DFFA: variants seen among roughly 807,000 people sequenced by gnomAD.
The protein encoded by DFFA is DNA fragmentation factor subunit alpha.
A neutral mutation model predicts 28.0 loss-of-function variants in DFFA; 14 were observed. The ratio of observed to expected loss-of-function variants is 0.50; its 90% confidence interval spans 0.33 to 0.78. DFFA has a LOEUF of 0.78. DFFA is among the 30% of genes least tolerant of loss of function. The pLI is 0.02. For synonymous variants in DFFA, 158 were observed against 170.3 expected, an observed-to-expected ratio of 0.93 and a Z score of 0.56; for missense variants, 395 against 407.1, an observed-to-expected ratio of 0.97 and a Z score of 0.26.
chr1:10,466,212 C>A lies in DFFA; in HGVS notation c.441+978G>T, dbSNP rs149697144. 8.7e-3 allele frequency among the ~76,000 whole-genome samples: 1,316 copies of A among 152,118 alleles called. 19 individuals carry two copies. Among genetic ancestry groups the A allele is most frequent in the African/African-American group, 0.029 (1,216 of 41,510 alleles). The stretch of plus-strand genomic sequence containing the variant: ...CTTTTTTTTCTTTTTGAGATGGAGT[C>A]TCTCTCTGTCACCCAGGCTGGAGTG... On this transcript the variant is annotated intron_variant, in intron 3 of 5. Transcript: ENST00000377038.
chr1:10,467,091 A>G, intron 3 of DFFA, 99 bp downstream of exon 3: 1 of 1,379,900 alleles, frequency 7.2e-7, no homozygotes, highest in Non-Finnish European at 9.9e-7. Flanking sequence ...TAAGATTAAA[A>G]CAAAGAAATT....
At position 10,464,066 on chromosome 1, in the gene DFFA, C is replaced by T. The variant is rs7552932; in HGVS notation, c.442-446G>A. On this transcript the variant is annotated intron_variant, in intron 3 of 5. Transcript: ENST00000377038. Reference sequence around the variant, plus strand: ...GTTACCTACTATGATAGTTGGCAGACAGTCAAGAGAAAAGCATGTAATTTT... The same window carrying T: ...GTTACCTACTATGATAGTTGGCAGATAGTCAAGAGAAAAGCATGTAATTTT... Among the ~76,000 whole-genome samples, 406 of 151,954 alleles carry T rather than the reference C, an allele frequency of 2.7e-3. 1 individual carries two copies. Among genetic ancestry groups the T allele is most frequent in the African/African-American group, 9.0e-3 (372 of 41,494 alleles).
Position 10,463,203 on chromosome 1 carries a change from T to G in DFFA, c.638A>C (p.Lys213Thr). Residue 213 changes from lysine to threonine, a missense_variant, in exon 5 of 6, where the codon AAA becomes ACA. Coordinates refer to ENST00000377038, the MANE Select transcript of DFFA (RefSeq NM_004401.3). ...GSLLSKQEES[K>T]AAFGEEVDAV... ...ATCCACCTCCTCACCAAAGGCAGCT[T>G]TGGACTCTGCAAAGGAGACACGAGA... The G allele has an allele frequency of 6.2e-7, 1 of 1,613,994 alleles. No individual in the cohort carries two copies. Among genetic ancestry groups the G allele is most frequent in the Non-Finnish European group, 8.5e-7 (1 of 1,179,930 alleles).
chr1:10,472,301 T>C lies in DFFA; in HGVS notation c.136+22A>G. ...ACCCGGCCCTGGCTCCCCCACACCC[T>C]CGCCCGGGGTCCCGAGCCAACCCTT... On this transcript the variant is annotated intron_variant, in intron 1 of 5. Transcript: ENST00000377038. This position sits in a 1 kb window ranked among gnomAD's most constrained non-coding sequence, Gnocchi z 5.0. 1 of 1,559,904 alleles carries C rather than the reference T, an allele frequency of 6.4e-7. No individual in the cohort carries two copies. Among genetic ancestry groups the C allele is most frequent in the Non-Finnish European group, 8.7e-7 (1 of 1,147,152 alleles).
chr1:10,468,208 C>T (rs1188891400), intron 2 of DFFA, among the ~76,000 whole-genome samples: 1 of 151,920 alleles, frequency 6.6e-6, no homozygotes, highest in Non-Finnish European at 1.5e-5. Context: ...ATGTTAGTCC[C>T]CTTTCTATCT....
At chr1:10,468,858 C>A (rs1641055952) in intron 2 of DFFA, among the ~76,000 whole-genome samples, 1 of 152,130 alleles carries the variant, frequency 6.6e-6, no homozygotes, top group Admixed American at 6.6e-5. Flanking sequence ...CCCGCCTCAG[C>A]CTCCCAAGTA....
chr1:10,467,120 G>T, intron 3 of DFFA, 70 bp downstream of exon 3: 1 of 1,571,064 alleles, frequency 6.4e-7, no homozygotes, highest in Non-Finnish European at 8.7e-7. Flanking sequence ...AAGTATGGAA[G>T]CTAAGAAGGT....
intron 5 of DFFA, chr1:10,462,791 C>T: frequency 7.6e-7 from 1 of 1,315,408 alleles, no homozygotes; most frequent in East Asian, 3.1e-5. Flanking sequence ...CCCTGCTATT[C>T]CTCCCTGTCA....
At chr1:10,463,024 C>T in intron 5 of DFFA, 34 bp downstream of exon 5, 3 of 1,613,744 alleles carry the variant, frequency 1.9e-6, no homozygotes, top group Non-Finnish European at 2.5e-6. Flanking sequence ...GGCATGTCCT[C>T]CTCTGTAGCT....
Position 10,461,390 on chromosome 1 carries a change from CA to C in DFFA, c.*99del, listed in dbSNP as rs1640935973. On this transcript the variant is annotated 3_prime_UTR_variant, in exon 6 of 6. Coordinates refer to ENST00000377038, the MANE Select transcript of DFFA (RefSeq NM_004401.3). ...AGCTTCTCTGGAAGGTGCTCTAAGGCAGGGGGTAGAGTAGTACATAGGTAGT... is the reference window on the plus strand; with the variant it reads ...AGCTTCTCTGGAAGGTGCTCTAAGGCGGGGGTAGAGTAGTACATAGGTAGT... 1.5e-5 allele frequency: 22 copies of C among 1,465,194 alleles called. 1 individual carries two copies. In the South Asian group the frequency reaches 2.5e-4, roughly 17 times the overall value. 90.8% of individuals were successfully genotyped at this position (1,465,194 alleles called of 1,614,324 possible).
rs1048010136 is a variant in DFFA at position 10,456,978 on chromosome 1, C to T, written c.*4512G>A. The T allele has an allele frequency of 1.3e-5, 2 of 152,160 alleles. No individual in the cohort carries two copies. Among genetic ancestry groups the T allele is most frequent in the South Asian group, 2.1e-4 (1 of 4,828 alleles). The allele number at this position is 152,160 out of a possible 1,614,324, so 9.4% of individuals were successfully genotyped here. A position where few individuals can be genotyped will look rare whatever the true frequency, so the allele number is the denominator to read the frequency against. On this transcript the variant is annotated 3_prime_UTR_variant, in exon 6 of 6. Coordinates refer to ENST00000377038, the MANE Select transcript of DFFA (RefSeq NM_004401.3). ...TAATGGGACAATATGTCTGTGACCA[C>T]GTTCATTACACATCTGGGATAGAGC... is the stretch of plus-strand genomic sequence containing the variant.
rs1044335732 is a variant in DFFA at position 10,463,679 on chromosome 1, T to C, written c.442-59A>G. The C allele has an allele frequency of 3.9e-6, 6 of 1,530,730 alleles. No individual in the cohort carries two copies. In the African/African-American group the frequency reaches 8.3e-5, roughly 21 times the overall value. The allele number at this position is 1,530,730 out of a possible 1,614,324, so 94.8% of individuals were successfully genotyped here. ...AGGGACTTTCTGACTTTCTTTTTTT[T>C]TTTTGAGACGGAGTCTGCTCTGTTG... On this transcript the variant is annotated intron_variant, in intron 3 of 5. Coordinates refer to ENST00000377038, the MANE Select transcript of DFFA (RefSeq NM_004401.3).
In DFFA at chr1:10,457,272, C is replaced by CT. The variant is rs1479076754; in HGVS notation, c.*4217dup. The CT allele has an allele frequency of 1.3e-5, 2 of 152,262 alleles. No individual in the cohort carries two copies. The highest frequency in any genetic ancestry group is 2.9e-5 in the Non-Finnish European group (2 of 68,136). 9.4% of individuals were successfully genotyped at this position (152,262 alleles called of 1,614,324 possible). ...CCTTCTGCCTTAGCCTCCCGAGTAT[C>CT]TAGGATTACAGGCATGTACCACTAC... On this transcript the variant is annotated 3_prime_UTR_variant, in exon 6 of 6. Coordinates refer to ENST00000377038, the MANE Select transcript of DFFA (RefSeq NM_004401.3).
chr1:10,465,555 G>A (rs758683908), intron 3 of DFFA, among the ~76,000 whole-genome samples: 1 of 151,932 alleles, frequency 6.6e-6, no homozygotes, highest in Admixed American at 6.6e-5. Flanking sequence ...TTAAGCCACC[G>A]TGCCCGGCTG....
Position 10,467,179 on chromosome 1 carries a change from G to A in DFFA, c.441+11C>T. 2 of 1,613,986 alleles carry A rather than the reference G, an allele frequency of 1.2e-6. No individual in the cohort carries two copies. The highest frequency in any genetic ancestry group is 1.7e-6 in the Non-Finnish European group (2 of 1,179,960). On this transcript the variant is annotated intron_variant, in intron 3 of 5. Transcript: ENST00000377038. ...GATGAACATTGTTGCAGGTTGTGGA[G>A]GAGGCTTTACCTGGAGGTCCTCCTC...
In DFFA at chr1:10,461,670, A is replaced by G. The variant is rs778583526; in HGVS notation, c.816T>C (p.Ala272=). ...TCTTTATGTCCCAGTTCAAGGCAAC[A>G]GCCAGTGCTTTGGGGTCTTCCTTGG... ...LVTKEDPKAL[A]VALNWDIKKT... The change falls in exon 6 of 6, where the codon GCT becomes GCC. Residue 272 remains alanine (A), a synonymous_variant. Coordinates refer to ENST00000377038, the MANE Select transcript of DFFA (RefSeq NM_004401.3). The G allele has an allele frequency of 9.3e-6, 15 of 1,614,150 alleles. No homozygotes were observed. The South Asian group carries it at 1.3e-4, about 14-fold the overall frequency.
At chr1:10,469,905 C>A (rs1379133253) in intron 1 of DFFA, among the ~76,000 whole-genome samples, 1 of 150,894 alleles carries the variant, frequency 6.6e-6, no homozygotes, top group Non-Finnish European at 1.5e-5. Flanking sequence ...CAACCTCCGC[C>A]TCCCGGGTTC....
chr1:10,462,931 G>T, intron 5 of DFFA, 127 bp downstream of exon 5: 1 of 1,507,248 alleles, frequency 6.6e-7, no homozygotes, highest in Admixed American at 2.2e-5. Flanking sequence ...GCATATAATA[G>T]GCAAACTGGC....
rs753885748 is a variant in DFFA, at chr1:10,463,127, C to T, written c.714G>A (p.Ala238=). The part of the protein sequence containing the change: ...SRETSSDVAL[A]SHILTALREK... ...CCCTCAGTGCAGTAAGGATGTGGCT[C>T]GCCAGCGCAACGTCCGAGGAGGTCT... Residue 238 remains alanine, a synonymous_variant, in exon 5 of 6, where the codon GCG becomes GCA. Transcript: ENST00000377038. 20 of 1,614,016 alleles carry T rather than the reference C, an allele frequency of 1.2e-5. 2 individuals carry two copies. Among genetic ancestry groups the T allele is most frequent in the Admixed American group, 5.0e-5 (3 of 59,992 alleles).
Sources: gnomAD v4.1 joint callset for allele counts (sites outside exome capture counted in the v4.1 genomes callset) on GRCh38, gnomAD v4.1.1 for gene constraint, Gnocchi (gnomAD v3.1) non-coding constraint, MANE v1.5 for transcripts, NCBI Gene and HGNC (gene_info 2026-07-23, HGNC 2026-07-21) for gene names.